The following EIF4G2 variants were observed in gnomAD, a reference collection of about 807,000 sequenced individuals.
EIF4G2 encodes the protein DAP-5.
A neutral mutation model predicts 117.7 loss-of-function variants in EIF4G2; 8 were observed. The ratio of observed to expected loss-of-function variants is 0.07; its 90% confidence interval spans 0.04 to 0.12. The LOEUF is 0.12. Ranked by LOEUF, EIF4G2 falls within the 10% of genes least tolerant of loss-of-function variation. The probability of loss-of-function intolerance (pLI) is 1.00; values close to 1 mark genes in which losing one functional copy is unlikely to be tolerated. For missense variants in EIF4G2, 812 were observed against 1,086.2 expected, an observed-to-expected ratio of 0.75 and a Z score of 3.55; for synonymous variants, 413 against 367.8, an observed-to-expected ratio of 1.12 and a Z score of -1.41.
At chr11:10,806,665 T>C in intron 3 of EIF4G2, 155 bp downstream of exon 3, 4 of 737,562 alleles carry the variant, frequency 5.4e-6, no homozygotes, top group East Asian at 5.1e-5. Context: ...TAAGGAATAA[T>C]CAGGAACTGA....
intron 13 of EIF4G2, 114 bp from the exon 14 acceptor site, chr11:10,801,888 G>A (rs1427106787): frequency 4.2e-6 from 5 of 1,195,322 alleles, no homozygotes; most frequent in South Asian, 1.4e-5. Flanking sequence ...AATTTGCCCA[G>A]AGAAAGTAAA....
chr11:10,803,186 A>G lies in EIF4G2; in HGVS notation c.897+25T>C, dbSNP rs1240025175. ...CCTAAACCAAAAACTCAGCTTACCAACAAATTTAAAGAAACCAGTATTACC... is the reference window on the plus strand; with the variant it reads ...CCTAAACCAAAAACTCAGCTTACCAGCAAATTTAAAGAAACCAGTATTACC... On this transcript the variant is annotated intron_variant, in intron 10 of 21. Transcript: ENST00000339995. This position sits in a 1 kb window ranked among gnomAD's most constrained non-coding sequence, Gnocchi z 4.0. 1.2e-6 allele frequency: 2 copies of G among 1,608,164 alleles called. No individual in the cohort carries two copies. Among genetic ancestry groups the G allele is most frequent in the African/African-American group, 2.7e-5 (2 of 74,416 alleles).
chr11:10,805,890 C>G lies in EIF4G2; in HGVS notation c.248+17G>C. ...CCACACTTCCCATCTTTTAGTAAAA[C>G]AGACCTTGAAACTTACCCTCTTACT... On this transcript the variant is annotated intron_variant, in intron 4 of 21. Coordinates refer to ENST00000339995, the MANE Select transcript of EIF4G2 (RefSeq NM_001418.4). The G allele has an allele frequency of 6.2e-7, 1 of 1,614,156 alleles. No homozygotes were observed. Among genetic ancestry groups the G allele is most frequent in the Non-Finnish European group, 8.5e-7 (1 of 1,180,018 alleles).
chr11:10,802,456 T>C (rs567650035), intron 11 of EIF4G2, 21 bp from the exon 12 acceptor site: 29 of 1,545,454 alleles, frequency 1.9e-5, no homozygotes, highest in South Asian at 1.4e-4. Flanking sequence ...GAAGTGAATA[T>C]GCACTTTTTG....
chr11:10,802,835 C>T (rs1041740516), intron 11 of EIF4G2, among the ~76,000 whole-genome samples, 195 bp downstream of exon 11: 3 of 152,086 alleles, frequency 2.0e-5, no homozygotes, highest in Admixed American at 6.5e-5. Context: ...CCACTGCACT[C>T]CAGCCTGGGT....
At position 10,801,046 on chromosome 11, in the gene EIF4G2, A is replaced by G. The variant is rs762974832; in HGVS notation, c.1455T>C (p.Asn485=). Residue 485 remains asparagine (N), a synonymous_variant, in exon 15 of 22, where the codon AAT becomes AAC. Coordinates refer to ENST00000339995, the MANE Select transcript of EIF4G2 (RefSeq NM_001418.4). ...TCTGGGGCTGAAGCTTTGGCACTTG[A>G]TTTTTATTCATTAGGAACGACTGAG... is the stretch of plus-strand genomic sequence containing the variant. The G allele has an allele frequency of 2.5e-6, 4 of 1,614,032 alleles. No homozygotes were observed. The highest frequency in any genetic ancestry group is 2.7e-5 in the African/African-American group (2 of 74,934).
chr11:10,804,539 A>G (rs1300154607), intron 5 of EIF4G2, 121 bp from the exon 6 acceptor site: 13 of 1,268,688 alleles, frequency 1.0e-5, no homozygotes. Context: ...CCAGTTATAC[A>G]GATTTCATCT....
intron 1 of EIF4G2, 166 bp from the exon 2 acceptor site, chr11:10,807,547 A>T (rs1847615677): frequency 1.6e-6 from 2 of 1,280,438 alleles, no homozygotes; most frequent in Admixed American, 7.7e-5. Flanking sequence ...TTGTTTAGCC[A>T]CCTGGAAATT....
rs1476865506 is a variant in EIF4G2 at position 10,797,926 on chromosome 11, A to G, written c.2659-45T>C. ...AATTAAAATAGTTCATGATATAAAC[A>G]GAAATCCATCCAAAAAGTTTTAGGT... On this transcript the variant is annotated intron_variant, in intron 21 of 21. Transcript: ENST00000339995. This position sits in a 1 kb window ranked among gnomAD's most constrained non-coding sequence, Gnocchi z 4.5. The G allele has an allele frequency of 6.3e-7, 1 of 1,591,838 alleles. No individual in the cohort carries two copies. The highest frequency in any genetic ancestry group is 2.2e-5 in the East Asian group (1 of 44,738).
chr11:10,806,077 A>T (rs1277232536), intron 3 of EIF4G2, 30 bp from the exon 4 acceptor site: 1 of 1,613,680 alleles, frequency 6.2e-7, no homozygotes, highest in Non-Finnish European at 8.5e-7. Context: ...AAAAACACTT[A>T]TTGTCACACA....
At position 10,806,814 on chromosome 11, in the gene EIF4G2, C is replaced by A. The variant is rs10743151; in HGVS notation, c.107+6G>T. On this transcript the variant is annotated splice_donor_region_variant and intron_variant, in intron 3 of 21. Transcript: ENST00000339995. The stretch of plus-strand genomic sequence containing the variant: ...AGCTCACTGTTTTTTTACATGTTTA[C>A]CACACCTGTTGCCAGCAGTCTTGGG... 0.56 allele frequency: 904,591 copies of A among 1,612,558 alleles called. 261,208 individuals carry two copies. The highest frequency in any genetic ancestry group is 0.7 in the South Asian group (63,413 of 91,056).
chr11:10,806,709 G>GC, intron 3 of EIF4G2, 111 bp downstream of exon 3: 1 of 1,179,712 alleles, frequency 8.5e-7, no homozygotes, highest in Middle Eastern at 2.1e-4. Flanking sequence ...CAGAAACCAC[G>GC]CCCCTTAAGA....
chr11:10,802,586 G>T, intron 11 of EIF4G2, 151 bp from the exon 12 acceptor site: 1 of 1,155,530 alleles, frequency 8.7e-7, no homozygotes, highest in Non-Finnish European at 1.2e-6. Context: ...GGCAGACAAG[G>T]CTGGGCATGA....
In EIF4G2 at chr11:10,804,152, T is replaced by C; in HGVS notation, c.535A>G (p.Thr179Ala). 1 of 1,614,232 alleles carries C rather than the reference T, an allele frequency of 6.2e-7. No individual in the cohort carries two copies. The highest frequency in any genetic ancestry group is 1.1e-5 in the South Asian group (1 of 91,084). ...TAAGTCTTACCATCAACATTTCTAG[T>C]TCGGTTTTCAAATTCATCTTGTAAT... The change falls in exon 7 of 22, where the codon ACT becomes GCT. Residue 179 changes from threonine (T) to alanine (A), a missense_variant. Around this residue, in one of 4 missense-constraint regions of EIF4G2, gnomAD observed 154 missense variants for 322.1 expected, o/e 0.48. Coordinates refer to ENST00000339995, the MANE Select transcript of EIF4G2 (RefSeq NM_001418.4).
At position 10,797,824 on chromosome 11, in the gene EIF4G2, C is replaced by T; in HGVS notation, c.2716G>A (p.Ala906Thr). Reference sequence around the variant, plus strand: ...AGGCTTTGGCTGGTTCTTTAGTCAGCTTCTTCCTCTGATTCTTCTTCTTCA... The same window carrying T: ...AGGCTTTGGCTGGTTCTTTAGTCAGTTTCTTCCTCTGATTCTTCTTCTTCA... The change falls in exon 22 of 22, where the codon GCT (alanine) becomes ACT (threonine). Residue 906 changes from alanine (A) to threonine (T), a missense_variant. By Grantham distance (58) the Ala-to-Thr change is moderately conservative. Coordinates refer to ENST00000339995, the MANE Select transcript of EIF4G2 (RefSeq NM_001418.4). The surrounding 1 kb of genome is among the most constrained non-coding windows in gnomAD (Gnocchi z 4.5). 1.2e-6 allele frequency: 2 copies of T among 1,613,982 alleles called. No individual in the cohort carries two copies. Among genetic ancestry groups the T allele is most frequent in the Non-Finnish European group, 1.7e-6 (2 of 1,179,954 alleles).
intron 4 of EIF4G2, 120 bp from the exon 5 acceptor site, chr11:10,805,135 G>T: frequency 1.3e-6 from 1 of 763,750 alleles, no homozygotes; most frequent in South Asian, 1.6e-5. Context: ...ATCAAGACAT[G>T]TTTTCTTACT....
At position 10,802,329 on chromosome 11, in the gene EIF4G2, A is replaced by T. The variant is rs1847445862; in HGVS notation, c.1103T>A (p.Leu368His). Reference sequence around the variant, plus strand: ...TCCAAACATATCAGCAAGTCCTCCAAGTGGGTCCCTATCCATTTTCATCCT... The same window carrying T: ...TCCAAACATATCAGCAAGTCCTCCATGTGGGTCCCTATCCATTTTCATCCT... The change falls in exon 12 of 22, where the codon CTT (leucine) becomes CAT (histidine). Residue 368 changes from leucine (L) to histidine (H), a missense_variant. Around this residue, in one of 4 missense-constraint regions of EIF4G2, gnomAD observed 571 missense variants for 642.3 expected, o/e 0.89. Coordinates refer to ENST00000339995, the MANE Select transcript of EIF4G2 (RefSeq NM_001418.4). 7 of 1,613,880 alleles carry T rather than the reference A, an allele frequency of 4.3e-6. No homozygotes were observed. In the East Asian group the frequency reaches 1.3e-4, roughly 31 times the overall value.
At chr11:10,806,520 T>G (rs984193472) in intron 3 of EIF4G2, 1 of 380,130 alleles carries the variant, frequency 2.6e-6, no homozygotes, top group Non-Finnish European at 4.8e-6. Flanking sequence ...CCATGTTGAG[T>G]GCGTACTACT....
chr11:10,801,914 G>C (rs751038735), intron 13 of EIF4G2, 135 bp downstream of exon 13: 1 of 1,081,546 alleles, frequency 9.2e-7, no homozygotes. Context: ...AAACAGGGAA[G>C]AATAAAAATC....
Sources: allele counts gnomAD v4.1 joint callset (sites outside exome capture counted in the v4.1 genomes callset), GRCh38; gene constraint gnomAD v4.1.1; regional missense constraint gnomAD v4.1.1; non-coding constraint Gnocchi (gnomAD v3.1); transcripts MANE v1.5; gene names NCBI Gene and HGNC (gene_info 2026-07-23, HGNC 2026-07-21).